NCSTN: variants seen among roughly 807,000 people sequenced by gnomAD.
NCSTN encodes the protein nicastrin.
NCSTN carries 22 observed loss-of-function variants against 87.0 expected under a neutral mutation model. The observed-to-expected ratio is 0.25, with a 90% CI of 0.18 to 0.36. The LOEUF is 0.36. Ranked by LOEUF, NCSTN falls within the 10% of genes least tolerant of loss-of-function variation. The probability of loss-of-function intolerance (pLI) is 1.00; values close to 1 mark genes in which losing one functional copy is unlikely to be tolerated. For synonymous variants in NCSTN, 306 were observed against 327.1 expected, an observed-to-expected ratio of 0.94 and a Z score of 0.69; for missense variants, 693 against 883.3, an observed-to-expected ratio of 0.78 and a Z score of 2.73.
chr1:160,343,533 G>C (rs778413648), intron 1 of NCSTN, 52 bp downstream of exon 1: 3 of 1,518,028 alleles, frequency 2.0e-6, no homozygotes, highest in Admixed American at 2.0e-5. Flanking sequence ...CTCTCGGATC[G>C]GCCCCGCCGC....
intron 8 of NCSTN, among the ~76,000 whole-genome samples, chr1:160,352,660 C>T (rs1026841714): frequency 1.3e-5 from 2 of 152,194 alleles, no homozygotes; most frequent in African/African-American, 4.8e-5. Flanking sequence ...ACTAAGGCTA[C>T]TTTCCCCATT....
intron 16 of NCSTN, among the ~76,000 whole-genome samples, 191 bp from the exon 17 acceptor site, chr1:160,357,958 G>C (rs1357125136): frequency 6.6e-6 from 1 of 152,202 alleles, no homozygotes; most frequent in Non-Finnish European, 1.5e-5. Flanking sequence ...GAACAGAGAT[G>C]CTTTACTTCT....
intron 2 of NCSTN, among the ~76,000 whole-genome samples, chr1:160,348,275 T>C (rs1460797075): frequency 6.6e-6 from 1 of 152,206 alleles, no homozygotes; most frequent in East Asian, 1.9e-4. Context: ...CTTTATCATG[T>C]CATGAGACAC....
In NCSTN at chr1:160,349,081, C is replaced by T; in HGVS notation, c.273C>T (p.Asn91=). The change falls in exon 3 of 17, where the codon AAC becomes AAT. Residue 91 remains asparagine, a synonymous_variant. Transcript: ENST00000294785. ...AGTGGGTATTGACTGATGGCCCCAA[C>T]CCCCCTTACATGGTTCTGCTGGAGA... is the stretch of plus-strand genomic sequence containing the variant. The part of the protein sequence containing the change: ...DLQWVLTDGP[N]PPYMVLLESK... 1.9e-6 allele frequency: 3 copies of T among 1,614,140 alleles called. No homozygotes were observed. The highest frequency in any genetic ancestry group is 2.2e-5 in the East Asian group (1 of 44,890).
Position 160,357,073 on chromosome 1 carries a change from G to A in NCSTN, c.1827G>A (p.Leu609=). ...LYEYSWVQGP[L]HSNETDRLPR... is the part of the protein sequence containing the mutation. ...AGTACTCATGGGTCCAGGGCCCTTT[G>A]CATTCTAATGAGACGGACCGACTCC... is the stretch of plus-strand genomic sequence containing the variant. The change falls in exon 16 of 17, where the codon TTG becomes TTA. Residue 609 remains leucine (L), a synonymous_variant. Coordinates refer to ENST00000294785, the MANE Select transcript of NCSTN (RefSeq NM_015331.3). 1 of 1,614,024 alleles carries A rather than the reference G, an allele frequency of 6.2e-7. No individual in the cohort carries two copies. The highest frequency in any genetic ancestry group is 8.5e-7 in the Non-Finnish European group (1 of 1,179,952).
chr1:160,345,634 G>T (rs1003275300), intron 2 of NCSTN, among the ~76,000 whole-genome samples: 1 of 152,050 alleles, frequency 6.6e-6, no homozygotes, highest in Non-Finnish European at 1.5e-5. Context: ...TGAAGAGAAG[G>T]CACTGAAAAT....
intron 1 of NCSTN, chr1:160,344,360 C>T (rs1049704213): frequency 9.8e-7 from 1 of 1,015,602 alleles, no homozygotes; most frequent in Non-Finnish European, 1.4e-6. Flanking sequence ...TGTGTATTAA[C>T]CAATTAGTAA....
chr1:160,345,199 C>CT lies in NCSTN; in HGVS notation c.190+383dup, dbSNP rs1226858369. The CT allele has an allele frequency of 5.7e-3, 1,639 of 288,448 alleles. 2 individuals are homozygous for CT. Among genetic ancestry groups the CT allele is most frequent in the South Asian group, 7.2e-3 (219 of 30,346 alleles). 17.9% of individuals were successfully genotyped at this position (288,448 alleles called of 1,614,324 possible). On this transcript the variant is annotated intron_variant, in intron 2 of 16. Transcript: ENST00000294785. ...TGGCCCGAGCACTAAGCTGAGAGAC[C>CT]TTTTTTTTTTGACACGGAGTTTCAC...
intron 8 of NCSTN, 145 bp downstream of exon 8, chr1:160,352,351 C>T: frequency 2.1e-6 from 2 of 974,538 alleles, no homozygotes; most frequent in Non-Finnish European, 3.1e-6. Flanking sequence ...ATGTGTCTCC[C>T]CTTTAGATTC....
In NCSTN at chr1:160,355,942, A is replaced by G. The variant is rs1257100010; in HGVS notation, c.1535A>G (p.Gln512Arg). 3.7e-6 allele frequency: 6 copies of G among 1,613,758 alleles called. No individual in the cohort carries two copies. The highest frequency in any genetic ancestry group is 5.1e-6 in the Non-Finnish European group (6 of 1,179,646). Residue 512 changes from glutamine (Q) to arginine (R), a missense_variant, in exon 13 of 17, where the codon CAG becomes CGG. Transcript: ENST00000294785. ...AGGTNFSDTVQADPQTVTRLL... is the reference protein window; with the variant it reads ...AGGTNFSDTVRADPQTVTRLL... The stretch of plus-strand genomic sequence containing the variant: ...GGAACCAACTTCAGCGACACAGTTC[A>G]GGCTGATCCCCAAACGGTAAGCAGA...
intron 1 of NCSTN, 124 bp downstream of exon 1, chr1:160,343,605 CTT>C (rs1184685522): frequency 1.0e-6 from 1 of 957,280 alleles, no homozygotes; most frequent in African/African-American, 1.6e-5. Flanking sequence ...TGTAAATCCT[CTT>C]TCTTTTTCGT....
At position 160,356,347 on chromosome 1, in the gene NCSTN, G is replaced by C; in HGVS notation, c.1639G>C (p.Gly547Arg). The part of the protein sequence containing the change: ...ILRQDLRSYL[G>R]DGPLQHYIAV... ...CAGGCAGGACCTAAGGTCCTACTTGGGTAAGCATCTGGTGTGGGAATGGGA... is the reference window on the plus strand; with the variant it reads ...CAGGCAGGACCTAAGGTCCTACTTGCGTAAGCATCTGGTGTGGGAATGGGA... The change falls in exon 14 of 17, where the codon GGT (glycine) becomes CGT (arginine). Residue 547 changes from glycine to arginine, a missense_variant and splice_region_variant. Physicochemically the swap from Gly to Arg is moderately radical, Grantham distance 125 (BLOSUM62 -2). Transcript: ENST00000294785. The C allele has an allele frequency of 6.2e-7, 1 of 1,605,374 alleles. No individual in the cohort carries two copies. Among genetic ancestry groups the C allele is most frequent in the Non-Finnish European group, 8.5e-7 (1 of 1,171,918 alleles).
At position 160,343,660 on chromosome 1, in the gene NCSTN, C is replaced by A. The variant is rs1332738771; in HGVS notation, c.85+179C>A. 8 of 735,346 alleles carry A rather than the reference C, an allele frequency of 1.1e-5. No homozygotes were observed. The East Asian group carries it at 2.1e-4, about 20-fold the overall frequency. The allele number at this position is 735,346 out of a possible 1,614,324, so 45.6% of individuals were successfully genotyped here. ...CCCCTTTGCCTGGACCTGAAGGTCCCTTCTCCCCCGCAGCACGTCGTGTCG... is the reference window on the plus strand; with the variant it reads ...CCCCTTTGCCTGGACCTGAAGGTCCATTCTCCCCCGCAGCACGTCGTGTCG... On this transcript the variant is annotated intron_variant, in intron 1 of 16. Transcript: ENST00000294785.
At chr1:160,348,076 A>G (rs1648612729) in intron 2 of NCSTN, among the ~76,000 whole-genome samples, 1 of 152,242 alleles carries the variant, frequency 6.6e-6, no homozygotes, top group African/African-American at 2.4e-5. Context: ...GCTGAGAACT[A>G]CTGGTCTAAA....
chr1:160,357,369 C>A, intron 16 of NCSTN, 116 bp downstream of exon 16: 3 of 1,071,114 alleles, frequency 2.8e-6, no homozygotes, highest in Non-Finnish European at 4.2e-6. Flanking sequence ...CAAAAGCCTA[C>A]TGCAAATCTG....
intron 4 of NCSTN, among the ~76,000 whole-genome samples, 153 bp from the exon 5 acceptor site, chr1:160,349,952 T>C (rs895200544): frequency 1.3e-5 from 2 of 152,198 alleles, no homozygotes; most frequent in Non-Finnish European, 2.9e-5. Context: ...TCTATTTTAG[T>C]GTGGATGGTA....
At chr1:160,357,339 C>T (rs1236298258) in intron 16 of NCSTN, 86 bp downstream of exon 16, 1 of 1,331,640 alleles carries the variant, frequency 7.5e-7, no homozygotes. Flanking sequence ...TTCCATCTCC[C>T]ATTTGCCCCA....
chr1:160,353,178 T>C lies in NCSTN; in HGVS notation c.1120T>C (p.Leu374=). ...CCCCCAGGTGGCCTTAAGAACTTCA[T>C]TAGAGCTTTGGATGCACACAGATCC... ...ELGQVALRTS[L]ELWMHTDPVS... is the part of the protein sequence containing the mutation. Residue 374 remains leucine, a synonymous_variant, in exon 10 of 17, where the codon TTA becomes CTA. Coordinates refer to ENST00000294785, the MANE Select transcript of NCSTN (RefSeq NM_015331.3). 1 of 1,614,112 alleles carries C rather than the reference T, an allele frequency of 6.2e-7. No homozygotes were observed. The highest frequency in any genetic ancestry group is 8.5e-7 in the Non-Finnish European group (1 of 1,179,990).
Position 160,358,298 on chromosome 1 carries a change from TCAG to T in NCSTN, c.*31_*33del, listed in dbSNP as rs1557890619. On this transcript the variant is annotated 3_prime_UTR_variant, in exon 17 of 17. Transcript: ENST00000294785. ...GAGGACCCCAGCTTTTCTTGCCAGCTCAGCAGTTCACTTCCTAGAGCATCTGTC... is the reference window on the plus strand; with the variant it reads ...GAGGACCCCAGCTTTTCTTGCCAGCTCAGTTCACTTCCTAGAGCATCTGTC... The T allele has an allele frequency of 3.1e-6, 5 of 1,613,798 alleles. No individual in the cohort carries two copies. Among genetic ancestry groups the T allele is most frequent in the Non-Finnish European group, 4.2e-6 (5 of 1,180,034 alleles).
Sources: allele counts gnomAD v4.1 joint callset (sites outside exome capture counted in the v4.1 genomes callset), GRCh38; gene constraint gnomAD v4.1.1; transcripts MANE v1.5; gene names NCBI Gene and HGNC (gene_info 2026-07-23, HGNC 2026-07-21).